CCNE1: variants seen among roughly 807,000 people sequenced by gnomAD.
CCNE1 encodes cyclin E1, also known as G1/S-specific cyclin-E1.
A neutral mutation model predicts 54.1 loss-of-function variants in CCNE1; 8 were observed. The observed-to-expected ratio is 0.15, with a 90% CI of 0.09 to 0.27. The LOEUF (loss-of-function observed/expected upper bound fraction) is 0.27, where lower values mean the gene tolerates loss of function less well. Among genes scored for constraint, CCNE1 ranks in the 10% least tolerant of loss-of-function variants. CCNE1 has a pLI of 1.00. For synonymous variants in CCNE1, 179 were observed against 185.2 expected (o/e 0.97, Z 0.27); for missense variants, 430 against 514.9 (o/e 0.84, Z 1.60).
chr19:29,817,381 ATTTTTGTTGTGTGT>A lies in CCNE1; in HGVS notation c.327-21_327-8del. The A allele has an allele frequency of 6.2e-7, 1 of 1,613,760 alleles. No individual in the cohort carries two copies. The highest frequency in any genetic ancestry group is 1.7e-5 in the Admixed American group (1 of 59,978). Reference sequence around the variant, plus strand: ...GCATTCTTACCCCTTTGTGGGCCTCATTTTTGTTGTGTGTTTTGTTGTAGCTGGGCAAATAGAGA... The same window carrying A: ...GCATTCTTACCCCTTTGTGGGCCTCATTTGTTGTAGCTGGGCAAATAGAGA... On this transcript the variant is annotated splice_polypyrimidine_tract_variant and intron_variant, in intron 5 of 11. Coordinates refer to ENST00000262643, the MANE Select transcript of CCNE1 (RefSeq NM_001238.4).
rs758760456 is a variant in CCNE1 at position 29,822,336 on chromosome 19, A to T, written c.937A>T (p.Met313Leu). The change falls in exon 10 of 12, where the codon ATG becomes TTG. Residue 313 changes from methionine to leucine, a missense_variant. Physicochemically the swap from Met to Leu is conservative, Grantham distance 15. This residue lies in a region of CCNE1 where 303 missense variants were observed against 401.1 expected (regional missense o/e 0.76). Transcript: ENST00000262643. ...GTATCATTTCTCGTCATCTGAATTG[A>T]TGCAAAAGGTTTCAGGTAAGTTGGC... ...ALYHFSSSELMQKVSGYQWCD... is the reference protein window; with the variant it reads ...ALYHFSSSELLQKVSGYQWCD... 2 of 1,614,080 alleles carry T rather than the reference A, an allele frequency of 1.2e-6. No individual in the cohort carries two copies. The highest frequency in any genetic ancestry group is 1.7e-6 in the Non-Finnish European group (2 of 1,179,952).
At chr19:29,815,062 A>G (rs1973980372) in intron 4 of CCNE1, among the ~76,000 whole-genome samples, 1 of 152,220 alleles carries the variant, frequency 6.6e-6, no homozygotes, top group Non-Finnish European at 1.5e-5. Context: ...GTGTACACTC[A>G]AGGACATAGA....
In CCNE1 at chr19:29,819,351, C is replaced by T. The variant is rs775037153; in HGVS notation, c.463-1351C>T. Among the ~76,000 whole-genome samples, 159 of 151,604 alleles carry T rather than the reference C, an allele frequency of 1.0e-3. 3 individuals are homozygous for T. The highest frequency in any genetic ancestry group is 1.9e-3 in the Non-Finnish European group (128 of 67,898). ...AAGCTGGAGTGTAGTGGTGCAGTCA[C>T]GGCTCACTGCAGGCTCCAATTCCTG... On this transcript the variant is annotated intron_variant, in intron 6 of 11. Transcript: ENST00000262643.
At chr19:29,821,867 C>T in intron 8 of CCNE1, 50 bp downstream of exon 8, 12 of 1,514,966 alleles carry the variant, frequency 7.9e-6, no homozygotes, top group Non-Finnish European at 1.1e-5. Context: ...TACGGCAGAT[C>T]TTTTCCACCT....
intron 6 of CCNE1, among the ~76,000 whole-genome samples, chr19:29,820,081 G>T (rs1246743115): frequency 6.6e-6 from 1 of 152,204 alleles, no homozygotes; most frequent in African/African-American, 2.4e-5. Flanking sequence ...TCAAATAAGG[G>T]CTGCTTGCTT....
At chr19:29,814,459 T>G (rs867618667) in intron 4 of CCNE1, among the ~76,000 whole-genome samples, 3 of 152,076 alleles carry the variant, frequency 2.0e-5, no homozygotes, top group Middle Eastern at 3.4e-3. Context: ...TGTGGATAGC[T>G]GTGCTGCCGG....
chr19:29,817,611 C>T (rs965866161), intron 6 of CCNE1, 70 bp downstream of exon 6: 82 of 1,537,508 alleles, frequency 5.3e-5, no homozygotes, highest in Non-Finnish European at 7.2e-5. Context: ...GTATTAGGAC[C>T]TCTGTGTGGT....
At position 29,821,797 on chromosome 19, in the gene CCNE1, A is replaced by G. The variant is rs1034996209; in HGVS notation, c.685A>G (p.Met229Val). Reference protein sequence around the residue: ...GACSGDEILTMELMIMKALKW... With the variant: ...GACSGDEILTVELMIMKALKW... ...TTGTTCAGGAGATGAAATTCTCACC[A>G]TGGAATTAATGATTATGAAGGTGGG... The change falls in exon 8 of 12, where the codon ATG (methionine) becomes GTG (valine). Residue 229 changes from methionine (M) to valine (V), a missense_variant. By Grantham distance (21) the Met-to-Val change is conservative (BLOSUM62 1). Coordinates refer to ENST00000262643, the MANE Select transcript of CCNE1 (RefSeq NM_001238.4). The G allele has an allele frequency of 6.2e-6, 10 of 1,611,650 alleles. No homozygotes were observed. Among genetic ancestry groups the G allele is most frequent in the African/African-American group, 1.3e-5 (1 of 74,878 alleles).
Position 29,817,292 on chromosome 19 carries a change from G to C in CCNE1, c.326+10G>C, listed in dbSNP as rs762884762. 1.2e-6 allele frequency: 2 copies of C among 1,614,008 alleles called. No homozygotes were observed. Among genetic ancestry groups the C allele is most frequent in the African/African-American group, 1.3e-5 (1 of 74,924 alleles). On this transcript the variant is annotated intron_variant, in intron 5 of 11. Transcript: ENST00000262643. The stretch of plus-strand genomic sequence containing the variant: ...CGCTGCCTGTACTGAGGTCAGTGCC[G>C]ACTCTGCCACATGGCTTCCAGGTCT...
chr19:29,822,159 C>T (rs756212722), intron 9 of CCNE1, 29 bp downstream of exon 9: 4 of 1,611,856 alleles, frequency 2.5e-6, no homozygotes, highest in Non-Finnish European at 3.4e-6. Context: ...TCCGTGGGGC[C>T]ACCTTCCCTG....
intron 8 of CCNE1, 65 bp from the exon 9 acceptor site, chr19:29,821,931 A>G: frequency 6.4e-7 from 1 of 1,560,708 alleles, no homozygotes; most frequent in South Asian, 1.1e-5. Context: ...TGTGGCATGG[A>G]ACATGGCTGC....
At chr19:29,822,167 C>G in intron 9 of CCNE1, 37 bp downstream of exon 9, 1 of 1,611,778 alleles carries the variant, frequency 6.2e-7, no homozygotes, top group Non-Finnish European at 8.5e-7. Flanking sequence ...GCCACCTTCC[C>G]TGCAGCTGGA....
At chr19:29,823,566 TA>T in intron 11 of CCNE1, 88 bp from the exon 12 acceptor site, 1 of 1,250,970 alleles carries the variant, frequency 8.0e-7, no homozygotes, top group Non-Finnish European at 1.1e-6. Flanking sequence ...AAAAAAAATT[TA>T]AAAATTAAAA....
At chr19:29,814,598 T>C (rs1973967727) in intron 4 of CCNE1, among the ~76,000 whole-genome samples, 1 of 152,364 alleles carries the variant, frequency 6.6e-6, no homozygotes. Context: ...GCAGTATCTT[T>C]GTTATTTCTT....
chr19:29,815,300 G>A (rs559249029), intron 4 of CCNE1, among the ~76,000 whole-genome samples: 2 of 152,362 alleles, frequency 1.3e-5, no homozygotes, highest in African/African-American at 4.8e-5. Flanking sequence ...CGGTTGTAAT[G>A]TGACCCTTTT....
intron 4 of CCNE1, among the ~76,000 whole-genome samples, chr19:29,814,823 C>T (rs893813739): frequency 6.6e-6 from 1 of 152,046 alleles, no homozygotes; most frequent in Non-Finnish European, 1.5e-5. Flanking sequence ...GAAAAGAATA[C>T]CCTTTTATCT....
rs2145732266 is a variant in CCNE1, at chr19:29,823,700, G to T, written c.1156G>T (p.Ala386Ser). The T allele has an allele frequency of 1.9e-6, 3 of 1,614,102 alleles. No homozygotes were observed. The highest frequency in any genetic ancestry group is 2.5e-6 in the Non-Finnish European group (3 of 1,179,966). ...KKAMLSEQNRASPLPSGLLTP... is the reference protein window; with the variant it reads ...KKAMLSEQNRSSPLPSGLLTP... ...AGCCATGTTGTCTGAACAAAATAGG[G>T]CTTCTCCTCTCCCCAGTGGGCTCCT... The change falls in exon 12 of 12, where the codon GCT becomes TCT. Residue 386 changes from alanine (A) to serine (S), a missense_variant. Physicochemically the swap from Ala to Ser is moderately conservative, Grantham distance 99. Coordinates refer to ENST00000262643, the MANE Select transcript of CCNE1 (RefSeq NM_001238.4).
At chr19:29,821,307 A>G (rs1974140237) in intron 7 of CCNE1, among the ~76,000 whole-genome samples, 1 of 152,172 alleles carries the variant, frequency 6.6e-6, no homozygotes, top group African/African-American at 2.4e-5. Context: ...GAATTGCTGG[A>G]GCCCAGGTGG....
intron 4 of CCNE1, among the ~76,000 whole-genome samples, chr19:29,814,867 A>G (rs1973975556): frequency 6.6e-6 from 1 of 152,092 alleles, no homozygotes; most frequent in Admixed American, 6.6e-5. Context: ...TTGTTGTTTA[A>G]TTTTTTTGCA....
Sources: allele counts gnomAD v4.1 joint callset (sites outside exome capture counted in the v4.1 genomes callset), GRCh38; gene constraint gnomAD v4.1.1; regional missense constraint gnomAD v4.1.1; transcripts MANE v1.5; gene names NCBI Gene and HGNC (gene_info 2026-07-23, HGNC 2026-07-21).